Variants in NUCKS1 observed in about 807,000 individuals in gnomAD.
NUCKS1 encodes the protein nuclear ubiquitous casein and cyclin-dependent kinase substrate 1.
Under a neutral mutation model 33.0 loss-of-function variants are expected in NUCKS1, and 2 were observed. The observed-to-expected ratio is 0.06, with a 90% confidence interval of 0.02 to 0.19. The LOEUF is 0.19. Ranked by LOEUF, NUCKS1 falls within the 10% of genes least tolerant of loss-of-function variation. NUCKS1 has a pLI of 1.00. For missense variants in NUCKS1, 201 were observed against 293.6 expected (o/e 0.68, Z 2.31); for synonymous variants, 106 against 102.8 (o/e 1.03, Z -0.19).
intron 1 of NUCKS1, among the ~76,000 whole-genome samples, chr1:205,748,307 A>G (rs1205523904): frequency 6.6e-6 from 1 of 152,254 alleles, no homozygotes; most frequent in Admixed American, 6.5e-5. Context: ...ACTAAAATTT[A>G]AAAGGTAGAG....
chr1:205,720,692 A>G (rs1474903841), intron 4 of NUCKS1, 39 bp from the exon 5 acceptor site: 1 of 1,556,468 alleles, frequency 6.4e-7, no homozygotes, highest in Admixed American at 1.9e-5. Context: ...TGATTAAAGA[A>G]TTTTATATTT....
chr1:205,746,265 C>A (rs1056423863), intron 1 of NUCKS1, among the ~76,000 whole-genome samples: 22 of 152,156 alleles, frequency 1.4e-4, no homozygotes, highest in East Asian at 1.4e-3. Context: ...ATTGCACTCC[C>A]GCCTGGGCAA....
chr1:205,749,035 G>A (rs1329025402), intron 1 of NUCKS1, among the ~76,000 whole-genome samples: 1 of 152,100 alleles, frequency 6.6e-6, no homozygotes, highest in East Asian at 1.9e-4. Context: ...TTCCGAGAAT[G>A]AAGTCTGATG....
rs560609842 is a variant in NUCKS1, at chr1:205,745,399, G to A, written c.17+4558C>T. Among the ~76,000 whole-genome samples, 632 of 152,236 alleles carry A rather than the reference G, an allele frequency of 4.2e-3. 5 individuals are homozygous for A. Among genetic ancestry groups the A allele is most frequent in the Non-Finnish European group, 6.2e-3 (419 of 68,008 alleles). ...AGCTACCTGAAAGGCTGAGGTGGGA[G>A]GATCACCTGAGCCTGAAAGGTTGAG... is the stretch of plus-strand genomic sequence containing the variant. On this transcript the variant is annotated intron_variant, in intron 1 of 6. Transcript: ENST00000367142.
At chr1:205,719,069 CAT>C (rs1264810098) in intron 6 of NUCKS1, among the ~76,000 whole-genome samples, 1 of 152,182 alleles carries the variant, frequency 6.6e-6, no homozygotes. Context: ...AAAATCAACT[CAT>C]GTCATCAAGT....
chr1:205,719,730 T>TA, intron 5 of NUCKS1, 54 bp from the exon 6 acceptor site: 1 of 1,566,106 alleles, frequency 6.4e-7, no homozygotes, highest in Non-Finnish European at 8.6e-7. Flanking sequence ...TCCTTCCAAG[T>TA]AAAAAAGGAA....
At chr1:205,744,359 A>G (rs1558056646) in intron 1 of NUCKS1, among the ~76,000 whole-genome samples, 1 of 152,146 alleles carries the variant, frequency 6.6e-6, no homozygotes, top group Non-Finnish European at 1.5e-5. Flanking sequence ...TATGCCTTTA[A>G]GAGTTGTGCA....
chr1:205,744,718 C>T (rs554862591), intron 1 of NUCKS1, among the ~76,000 whole-genome samples: 5 of 139,584 alleles, frequency 3.6e-5, no homozygotes, highest in South Asian at 4.9e-4. Flanking sequence ...CTGCAACCTC[C>T]GCCTCCTGGG....
chr1:205,715,678 G>A lies in NUCKS1; in HGVS notation c.*2602C>T, dbSNP rs938349938. On this transcript the variant is annotated 3_prime_UTR_variant, in exon 7 of 7. Transcript: ENST00000367142. ...AATCTACGTTGTAGAGGTAAACCTA[G>A]CAGAGCTAATACAAACAAGCACCTT... is the stretch of plus-strand genomic sequence containing the variant. The A allele has an allele frequency of 6.6e-6, 1 of 152,206 alleles. No homozygotes were observed. The allele number at this position is 152,206 out of a possible 1,614,324, so 9.4% of individuals were successfully genotyped here. A position where few individuals can be genotyped will look rare whatever the true frequency, so the allele number is the denominator to read the frequency against.
chr1:205,724,701 C>T (rs148498289), intron 3 of NUCKS1, among the ~76,000 whole-genome samples: 1 of 151,586 alleles, frequency 6.6e-6, no homozygotes, highest in South Asian at 2.1e-4. Flanking sequence ...CCCCACCCCC[C>T]CCAAAAAAAG....
At chr1:205,745,630 T>G (rs548227337) in intron 1 of NUCKS1, among the ~76,000 whole-genome samples, 1 of 152,178 alleles carries the variant, frequency 6.6e-6, no homozygotes, top group Admixed American at 6.5e-5. Context: ...ATTGAGGAGA[T>G]ATTAAAAAAA....
At chr1:205,744,630 G>GTTTTTTTTTTTTTTTTTTTTTTT (rs10672842) in intron 1 of NUCKS1, among the ~76,000 whole-genome samples, 1 of 87,786 alleles carries the variant, frequency 1.1e-5, no homozygotes. Flanking sequence ...GTTCACTAGA[G>GTTTTTTTTTTTTTTTTTTTTTTT]TTTTTTTTTT....
rs753207169 is a variant in NUCKS1, at chr1:205,719,612, C to T, written c.447G>A (p.Ser149=). ...EDDDDSDYGS[S]KKKNKKMVKK... ...TAACCATCTTTTTGTTTTTCTTTTT[C>T]GAACTGCCATAGTCACTATCGTCAT... The change falls in exon 6 of 7, where the codon TCG becomes TCA. Residue 149 remains serine (S), a synonymous_variant. Transcript: ENST00000367142. 9.3e-6 allele frequency: 15 copies of T among 1,613,362 alleles called. No homozygotes were observed. Among genetic ancestry groups the T allele is most frequent in the South Asian group, 5.5e-5 (5 of 90,966 alleles).
intron 3 of NUCKS1, 142 bp downstream of exon 3, chr1:205,727,558 T>A: frequency 1.5e-6 from 1 of 655,900 alleles, no homozygotes. Flanking sequence ...CAGCCTGAGA[T>A]AATATGAAAT....
chr1:205,746,441 T>TCACA (rs1403649920), intron 1 of NUCKS1, among the ~76,000 whole-genome samples: 150 of 40,734 alleles, frequency 3.7e-3, no homozygotes, highest in Admixed American at 9.5e-3. Flanking sequence ...CTCACTTCTC[T>TCACA]CTCTCTCTCT....
chr1:205,732,779 C>CAAA (rs59760552), intron 1 of NUCKS1, among the ~76,000 whole-genome samples: 2 of 74,006 alleles, frequency 2.7e-5, no homozygotes, highest in Non-Finnish European at 5.1e-5. Flanking sequence ...GACTCTGTCT[C>CAAA]AAAAAAAAAA....
intron 4 of NUCKS1, among the ~76,000 whole-genome samples, chr1:205,721,080 G>C (rs1671908051): frequency 6.6e-6 from 1 of 151,162 alleles, no homozygotes; most frequent in Non-Finnish European, 1.5e-5. Flanking sequence ...TGGACACAGG[G>C]AGGGGAACAA....
chr1:205,749,470 G>A (rs979450396), intron 1 of NUCKS1, among the ~76,000 whole-genome samples: 17 of 152,128 alleles, frequency 1.1e-4, no homozygotes, highest in African/African-American at 3.4e-4. Context: ...GTCCGCTACA[G>A]AGAGGGCTCA....
intron 1 of NUCKS1, among the ~76,000 whole-genome samples, chr1:205,746,161 T>A (rs1654317954): frequency 6.6e-6 from 1 of 151,940 alleles, no homozygotes; most frequent in Non-Finnish European, 1.5e-5. Context: ...CTGGGTGTGG[T>A]AGTGGGCACC....
Sources: gnomAD v4.1 joint callset for allele counts (sites outside exome capture counted in the v4.1 genomes callset) on GRCh38, gnomAD v4.1.1 for gene constraint, MANE v1.5 for transcripts, NCBI Gene and HGNC (gene_info 2026-07-23, HGNC 2026-07-21) for gene names.